Variants in PHACTR1 observed in about 807,000 individuals in gnomAD.
PHACTR1 encodes phosphatase and actin regulator 1.
A neutral mutation model predicts 69.2 loss-of-function variants in PHACTR1; 16 were observed. The ratio of observed to expected loss-of-function variants is 0.23; its 90% CI spans 0.16 to 0.35. The LOEUF (loss-of-function observed/expected upper bound fraction) is 0.35. Ranked by LOEUF, PHACTR1 falls within the 10% of genes least tolerant of loss-of-function variation. The pLI is 1.00. For synonymous variants in PHACTR1, 312 were observed against 284.5 expected (o/e 1.10, Z -0.97); for missense variants, 510 against 734.7 (o/e 0.69, Z 3.54).
chr6:13,263,239 T>G (rs1051305047), intron 10 of PHACTR1, among the ~76,000 whole-genome samples: 6 of 4,520 alleles, frequency 1.3e-3, no homozygotes, highest in South Asian at 6.7e-3. Flanking sequence ...GCTTTTAGTG[T>G]TTTTTTTTTT....
chr6:12,919,780 C>T (rs539298738), intron 4 of PHACTR1, among the ~76,000 whole-genome samples: 1 of 152,142 alleles, frequency 6.6e-6, no homozygotes, highest in Admixed American at 6.5e-5. Flanking sequence ...CCTGCTGGAC[C>T]CTGATCTTAA....
chr6:13,199,144 T>A (rs566316656), intron 7 of PHACTR1, among the ~76,000 whole-genome samples: 8 of 152,052 alleles, frequency 5.3e-5, no homozygotes, highest in Non-Finnish European at 1.2e-4. Context: ...TCCCAGCACT[T>A]TGGGAGGCCA....
rs113384812 is a variant in PHACTR1 at position 12,996,195 on chromosome 6, C to T, written c.251-57170C>T. On this transcript the variant is annotated intron_variant, in intron 4 of 14. Coordinates refer to ENST00000332995, the MANE Select transcript of PHACTR1 (RefSeq NM_030948.6). ...AGATACAGCAGCACTATCCCAAAGA[C>T]TGAAAAAAGAAATTATAGAAATAAG... is the stretch of plus-strand genomic sequence containing the variant. Among the ~76,000 whole-genome samples, 1,418 of 151,792 alleles carry T rather than the reference C, an allele frequency of 9.3e-3. 26 individuals carry two copies. The highest frequency in any genetic ancestry group is 0.033 in the African/African-American group (1,347 of 41,416).
At chr6:12,769,436 C>T (rs1769096422) in intron 4 of PHACTR1, among the ~76,000 whole-genome samples, 1 of 152,340 alleles carries the variant, frequency 6.6e-6, no homozygotes, top group East Asian at 1.9e-4. Context: ...GAATTGGGGT[C>T]TGTGGGTTTT....
chr6:12,761,540 C>T (rs893497378), intron 4 of PHACTR1, among the ~76,000 whole-genome samples: 1 of 152,134 alleles, frequency 6.6e-6, no homozygotes, highest in African/African-American at 2.4e-5. Flanking sequence ...GTGGTCTTGA[C>T]CTCACTTCAT....
At chr6:12,981,186 G>A (rs1005061526) in intron 4 of PHACTR1, among the ~76,000 whole-genome samples, 2 of 152,146 alleles carry the variant, frequency 1.3e-5, no homozygotes, top group Admixed American at 6.5e-5. Flanking sequence ...GACTAGAATC[G>A]CCAAGAACTT....
chr6:13,151,498 A>T (rs536883691), intron 5 of PHACTR1, among the ~76,000 whole-genome samples: 3 of 152,260 alleles, frequency 2.0e-5, no homozygotes, highest in East Asian at 3.8e-4. Context: ...ACATGTTTAC[A>T]TGAGTGCCTG....
chr6:13,024,888 T>C (rs1801469091), intron 4 of PHACTR1, among the ~76,000 whole-genome samples: 1 of 152,230 alleles, frequency 6.6e-6, no homozygotes, highest in East Asian at 1.9e-4. Context: ...ATTCCTGTGG[T>C]AAGACACTAG....
chr6:13,095,763 T>C (rs1814119335), intron 5 of PHACTR1, among the ~76,000 whole-genome samples: 1 of 138,720 alleles, frequency 7.2e-6, no homozygotes, highest in East Asian at 2.0e-4. Flanking sequence ...TTTTTTTTTT[T>C]TTTTTTTTTT....
At chr6:12,748,017 C>T (rs901593823) in intron 3 of PHACTR1, among the ~76,000 whole-genome samples, 1 of 152,064 alleles carries the variant, frequency 6.6e-6, no homozygotes, top group Non-Finnish European at 1.5e-5. Flanking sequence ...TTCAGAGAAG[C>T]TAAGAAAGAA....
At chr6:13,114,385 C>T (rs1162424438) in intron 5 of PHACTR1, among the ~76,000 whole-genome samples, 1 of 152,134 alleles carries the variant, frequency 6.6e-6, no homozygotes, top group East Asian at 1.9e-4. Context: ...AATGGATAGT[C>T]TCTCCAGGCT....
intron 4 of PHACTR1, among the ~76,000 whole-genome samples, chr6:12,913,545 T>C (rs1389779492): frequency 2.0e-5 from 3 of 152,222 alleles, no homozygotes; most frequent in Non-Finnish European, 2.9e-5. Flanking sequence ...CTGCATGCTC[T>C]CTAGTACGAG....
At chr6:13,199,820 A>G (rs1764966873) in intron 7 of PHACTR1, among the ~76,000 whole-genome samples, 1 of 152,120 alleles carries the variant, frequency 6.6e-6, no homozygotes, top group African/African-American at 2.4e-5. Flanking sequence ...AAGACATCTT[A>G]TCATTTACAA....
chr6:12,992,921 C>T (rs1582868748), intron 4 of PHACTR1, among the ~76,000 whole-genome samples: 1 of 152,144 alleles, frequency 6.6e-6, no homozygotes, highest in Admixed American at 6.5e-5. Context: ...AGCTGGCCTC[C>T]CCACCTTAAT....
At chr6:13,166,012 A>G (rs1439034860) in intron 6 of PHACTR1, among the ~76,000 whole-genome samples, 1 of 152,096 alleles carries the variant, frequency 6.6e-6, no homozygotes, top group Non-Finnish European at 1.5e-5. Context: ...TCCAACCCCT[A>G]ACTTTCGTTT....
chr6:13,184,027 G>A (rs1762519634), intron 7 of PHACTR1, among the ~76,000 whole-genome samples: 1 of 152,238 alleles, frequency 6.6e-6, no homozygotes, highest in Admixed American at 6.5e-5. Flanking sequence ...GTTGTGGTGA[G>A]CAAGAAGAGA....
chr6:12,728,564 T>C (rs577457817), intron 3 of PHACTR1, among the ~76,000 whole-genome samples: 4 of 152,250 alleles, frequency 2.6e-5, no homozygotes, highest in African/African-American at 9.6e-5. Flanking sequence ...GCTTGTAACT[T>C]TAGGCAAGTT....
intron 4 of PHACTR1, among the ~76,000 whole-genome samples, chr6:12,871,804 T>G (rs1163034761): frequency 1.3e-5 from 2 of 152,216 alleles, no homozygotes; most frequent in African/African-American, 2.4e-5. Context: ...TTCACTATTT[T>G]ATTAGCAGTT....
rs551991724 is a variant in PHACTR1 at position 12,732,317 on chromosome 6, G to T, written c.103+13470G>T. On this transcript the variant is annotated intron_variant, in intron 3 of 14. Coordinates refer to ENST00000332995, the MANE Select transcript of PHACTR1 (RefSeq NM_030948.6). ...ACATGGGCACACACAGATTTTTTTT[G>T]GGGGTGCTGTTTAAGACATTTTCAT... Among the ~76,000 whole-genome samples the T allele has an allele frequency of 5.7e-3, 722 of 126,224 alleles. 8 individuals carry two copies. Among genetic ancestry groups the T allele is most frequent in the African/African-American group, 0.023 (683 of 29,278 alleles). The allele number at this position is 126,224 out of a possible 152,430, so 82.8% of individuals were successfully genotyped here.
Sources: gnomAD v4.1 joint callset for allele counts (sites outside exome capture counted in the v4.1 genomes callset) on GRCh38, gnomAD v4.1.1 for gene constraint, MANE v1.5 for transcripts, NCBI Gene and HGNC (gene_info 2026-07-23, HGNC 2026-07-21) for gene names.